CDH1: variants seen among roughly 807,000 people sequenced by gnomAD.
CDH1 encodes cadherin-1.
In CDH1, 35 loss-of-function variants were observed where a neutral mutation model predicts 84.5. That is an observed-to-expected ratio of 0.41 (90% CI 0.32 to 0.55). The LOEUF is 0.55. Ranked by LOEUF, CDH1 falls within the 20% of genes least tolerant of loss-of-function variation. The probability of loss-of-function intolerance (pLI) is 0.19; values close to 1 mark genes in which losing one functional copy is unlikely to be tolerated. For missense variants in CDH1, 994 were observed against 1,126.6 expected, an observed-to-expected ratio of 0.88 and a Z score of 1.68; for synonymous variants, 417 against 439.0, an observed-to-expected ratio of 0.95 and a Z score of 0.63.
chr16:68,832,814 C>T (rs1961519252), intron 15 of CDH1, among the ~76,000 whole-genome samples: 1 of 152,008 alleles, frequency 6.6e-6, no homozygotes, highest in Admixed American at 6.6e-5. Context: ...GAGTGAAACC[C>T]TGTCTCTAAA....
In CDH1 at chr16:68,833,445, G is replaced by C. The variant is rs778019174; in HGVS notation, c.2595G>C (p.Trp865Cys). ...KDQDYDYLNE[W>C]GNRFKKLADM... ...AGGACTATGACTACTTGAACGAATG[G>C]GGCAATCGCTTCAAGAAGCTGGCTG... Residue 865 changes from tryptophan (W) to cysteine (C), a missense_variant, in exon 16 of 16, where the codon TGG becomes TGC. Around this residue, in one of 3 missense-constraint regions of CDH1, gnomAD observed 769 missense variants for 881.8 expected, o/e 0.87. Transcript: ENST00000261769. 7 of 1,614,136 alleles carry C rather than the reference G, an allele frequency of 4.3e-6. No individual in the cohort carries two copies. The highest frequency in any genetic ancestry group is 3.3e-5 in the South Asian group (3 of 91,080).
chr16:68,803,393 C>G (rs1459417747), intron 3 of CDH1, among the ~76,000 whole-genome samples: 1 of 152,108 alleles, frequency 6.6e-6, no homozygotes, highest in Non-Finnish European at 1.5e-5. Context: ...CTCTTATGAT[C>G]CAGAGACAGT....
At chr16:68,809,624 C>T (rs1474067192) in intron 5 of CDH1, among the ~76,000 whole-genome samples, 1 of 152,132 alleles carries the variant, frequency 6.6e-6, no homozygotes, top group Non-Finnish European at 1.5e-5. Context: ...CTTCTGGGCC[C>T]AAGCGACACT....
chr16:68,772,544 C>T (rs1450220477), intron 2 of CDH1, among the ~76,000 whole-genome samples: 1 of 152,148 alleles, frequency 6.6e-6, no homozygotes, highest in Non-Finnish European at 1.5e-5. Context: ...TCTGGGCTAA[C>T]CCGCACCGTA....
intron 2 of CDH1, among the ~76,000 whole-genome samples, chr16:68,779,972 TTCTCCCAGAATAAAAGCC>T (rs1959830951): frequency 1.3e-5 from 2 of 152,194 alleles, no homozygotes; most frequent in South Asian, 4.1e-4. Flanking sequence ...CACTCCTTAC[TTCTCCCAGAATAAAAGCC>T]CGGCTCTCTA....
intron 2 of CDH1, among the ~76,000 whole-genome samples, chr16:68,761,784 A>G (rs998956072): frequency 6.6e-6 from 1 of 152,130 alleles, no homozygotes; most frequent in African/African-American, 2.4e-5. Context: ...AGGGCGTTCT[A>G]GATGGAGGGA....
chr16:68,796,855 C>T (rs554678359), intron 2 of CDH1, among the ~76,000 whole-genome samples: 1 of 152,234 alleles, frequency 6.6e-6, no homozygotes, highest in Admixed American at 6.5e-5. Context: ...AAACTGCCTC[C>T]TGGCCAGGCA....
chr16:68,751,174 A>T (rs564422744), intron 2 of CDH1, among the ~76,000 whole-genome samples: 4 of 152,228 alleles, frequency 2.6e-5, no homozygotes, highest in Admixed American at 6.5e-5. Context: ...GCCTGCTCCA[A>T]ATTACCCATG....
intron 2 of CDH1, among the ~76,000 whole-genome samples, chr16:68,779,637 T>C (rs1192898305): frequency 6.6e-6 from 1 of 152,108 alleles, no homozygotes; most frequent in Non-Finnish European, 1.5e-5. Flanking sequence ...GGCAGGAGGA[T>C]CACAAAGTCA....
chr16:68,831,786 G>C (rs543803613), intron 15 of CDH1, among the ~76,000 whole-genome samples: 1 of 152,114 alleles, frequency 6.6e-6, no homozygotes, highest in African/African-American at 2.4e-5. Context: ...TGATCTCCCT[G>C]CCTCGGCCTC....
In CDH1 at chr16:68,783,923, C is replaced by T. The variant is rs1264312423; in HGVS notation, c.164-17747C>T. On this transcript the variant is annotated intron_variant, in intron 2 of 15. Transcript: ENST00000261769. Reference sequence around the variant, plus strand: ...AACTCCTGACCTCAAGCAATCTACCCACCTCGGCCTCCCAAAGTGCTGGGA... The same window carrying T: ...AACTCCTGACCTCAAGCAATCTACCTACCTCGGCCTCCCAAAGTGCTGGGA... Among the ~76,000 whole-genome samples, 7 of 152,226 alleles carry T rather than the reference C, an allele frequency of 4.6e-5. No individual in the cohort carries two copies. In the East Asian group the frequency reaches 1.2e-3, roughly 25 times the overall value.
Position 68,738,553 on chromosome 16 carries a change from T to G in CDH1, c.163+142T>G, listed in dbSNP as rs1487313761. The G allele has an allele frequency of 1.5e-5, 9 of 607,508 alleles. No individual in the cohort carries two copies. The East Asian group carries it at 2.5e-4, about 17-fold the overall frequency. The allele number at this position is 607,508 out of a possible 1,614,324, so 37.6% of individuals were successfully genotyped here. ...GACACCCCTTGGAATTTACGCAGAT[T>G]TGGGGATCCAAACGTTTACGACTGA... is the stretch of plus-strand genomic sequence containing the variant. On this transcript the variant is annotated intron_variant, in intron 2 of 15. Coordinates refer to ENST00000261769, the MANE Select transcript of CDH1 (RefSeq NM_004360.5).
chr16:68,779,893 AC>A (rs1318895907), intron 2 of CDH1, among the ~76,000 whole-genome samples: 3 of 152,126 alleles, frequency 2.0e-5, no homozygotes, highest in Non-Finnish European at 2.9e-5. Context: ...AACTGAGGCC[AC>A]AGTGTCTGGC....
intron 2 of CDH1, among the ~76,000 whole-genome samples, chr16:68,797,363 G>C (rs1160354045): frequency 1.3e-5 from 2 of 152,026 alleles, no homozygotes; most frequent in African/African-American, 4.8e-5. Flanking sequence ...TTTAGCCTGG[G>C]TGACAGAGTA....
intron 2 of CDH1, among the ~76,000 whole-genome samples, chr16:68,791,609 T>C (rs1437633187): frequency 6.6e-6 from 1 of 151,832 alleles, no homozygotes; most frequent in Non-Finnish European, 1.5e-5. Flanking sequence ...TTTTGTAGAG[T>C]TGGGGTCTTG....
At chr16:68,769,397 G>C (rs902304158) in intron 2 of CDH1, among the ~76,000 whole-genome samples, 13 of 151,976 alleles carry the variant, frequency 8.6e-5, no homozygotes, top group South Asian at 2.1e-4. Flanking sequence ...GGCAGCACAT[G>C]GTAAGATGCC....
intron 2 of CDH1, among the ~76,000 whole-genome samples, chr16:68,750,308 A>G (rs1962856737): frequency 6.6e-6 from 1 of 151,794 alleles, no homozygotes; most frequent in South Asian, 2.1e-4. Flanking sequence ...AAATCCACTT[A>G]TATTGGCCTT....
rs876660645 is a variant in CDH1, at chr16:68,811,722, G to A, written c.871G>A (p.Asp291Asn). The stretch of plus-strand genomic sequence containing the variant: ...GGAGGTCACAGCCACAGACGCGGAC[G>A]ATGATGTGAACACCTACAATGCCGC... ...VMEVTATDADDDVNTYNAAIA... is the reference protein window; with the variant it reads ...VMEVTATDADNDVNTYNAAIA... The change falls in exon 7 of 16, where the codon GAT becomes AAT. Residue 291 changes from aspartate to asparagine, a missense_variant. Physicochemically the swap from Asp to Asn is conservative, Grantham distance 23. Coordinates refer to ENST00000261769, the MANE Select transcript of CDH1 (RefSeq NM_004360.5). 2.5e-6 allele frequency: 4 copies of A among 1,614,020 alleles called. No individual in the cohort carries two copies. Among genetic ancestry groups the A allele is most frequent in the African/African-American group, 2.7e-5 (2 of 74,982 alleles).
Position 68,811,668 on chromosome 16 carries a change from C to G in CDH1, c.833-16C>G, listed in dbSNP as rs33984587. 910 of 1,613,450 alleles carry G rather than the reference C, an allele frequency of 5.6e-4. 5 individuals are homozygous for G. The African/African-American group carries it at 0.011, about 20-fold the overall frequency. On this transcript the variant is annotated splice_polypyrimidine_tract_variant and intron_variant, in intron 6 of 15. Coordinates refer to ENST00000261769, the MANE Select transcript of CDH1 (RefSeq NM_004360.5). ...GTGCAGCTTGTCTAAACCTTCATCT[C>G]CTTGAACTCTTCCAGGAACCTCTGT...
Sources: allele counts gnomAD v4.1 joint callset (sites outside exome capture counted in the v4.1 genomes callset), GRCh38; gene constraint gnomAD v4.1.1; regional missense constraint gnomAD v4.1.1; transcripts MANE v1.5; gene names NCBI Gene and HGNC (gene_info 2026-07-23, HGNC 2026-07-21).